Variants in GRID2 observed in about 807,000 individuals in gnomAD.
GRID2 encodes glutamate ionotropic receptor delta type subunit 2.
In GRID2, 33 loss-of-function variants were observed where a neutral mutation model predicts 114.8. The observed-to-expected ratio is 0.29, with a 90% CI of 0.22 to 0.38. The LOEUF is 0.38. Among genes scored for constraint, GRID2 ranks in the 10% least tolerant of loss-of-function variants. The pLI is 1.00. For synonymous variants in GRID2, 505 were observed against 449.9 expected, an observed-to-expected ratio of 1.12 and a Z score of -1.55; for missense variants, 1,184 against 1,257.7, an observed-to-expected ratio of 0.94 and a Z score of 0.89.
chr4:93,128,630 T>G (rs528761062), intron 4 of GRID2, among the ~76,000 whole-genome samples: 16 of 152,168 alleles, frequency 1.1e-4, no homozygotes, highest in Non-Finnish European at 1.8e-4. Context: ...ATTGCTAAAC[T>G]GTCCTAATCA....
intron 4 of GRID2, among the ~76,000 whole-genome samples, chr4:93,189,768 CCACACCACACACA>C (rs1740789946): frequency 2.7e-5 from 3 of 110,634 alleles, no homozygotes; most frequent in African/African-American, 1.0e-4. Context: ...CACCACCACA[CCACACCACACACA>C]CACACACACA....
At chr4:93,154,344 A>G (rs778686529) in intron 4 of GRID2, among the ~76,000 whole-genome samples, 10 of 151,908 alleles carry the variant, frequency 6.6e-5, no homozygotes, top group Non-Finnish European at 1.5e-4. Context: ...TTTTGTGATC[A>G]TAGTTCCTTG....
intron 2 of GRID2, among the ~76,000 whole-genome samples, chr4:92,794,459 A>T (rs1260302731): frequency 6.6e-6 from 1 of 151,786 alleles, no homozygotes; most frequent in Non-Finnish European, 1.5e-5. Flanking sequence ...CCAAAACAAG[A>T]TTCTCTTCCA....
At chr4:93,048,550 C>G (rs1266368345) in intron 2 of GRID2, among the ~76,000 whole-genome samples, 1 of 151,976 alleles carries the variant, frequency 6.6e-6, no homozygotes, top group Non-Finnish European at 1.5e-5. Context: ...GAATGAGGAA[C>G]TTTTCCCTTT....
chr4:93,321,167 C>T (rs928882421), intron 8 of GRID2, among the ~76,000 whole-genome samples: 3 of 151,964 alleles, frequency 2.0e-5, no homozygotes, highest in African/African-American at 4.8e-5. Flanking sequence ...TGAGAGCCAT[C>T]GTCACACGGA....
chr4:92,784,514 C>G (rs1739228538), intron 2 of GRID2, among the ~76,000 whole-genome samples: 1 of 151,330 alleles, frequency 6.6e-6, no homozygotes, highest in African/African-American at 2.4e-5. Flanking sequence ...TACTTTTACT[C>G]TTAAAGATTC....
intron 1 of GRID2, among the ~76,000 whole-genome samples, chr4:92,396,422 C>A (rs1730494661): frequency 6.6e-6 from 1 of 151,854 alleles, no homozygotes; most frequent in African/African-American, 2.4e-5. Flanking sequence ...CTGATATGTG[C>A]TTTTATATAC....
At chr4:93,174,830 C>T (rs1030599989) in intron 4 of GRID2, among the ~76,000 whole-genome samples, 1 of 152,144 alleles carries the variant, frequency 6.6e-6, no homozygotes, top group Non-Finnish European at 1.5e-5. Flanking sequence ...TCTGAGCTAA[C>T]ATACATGGCA....
chr4:92,723,208 A>C lies in GRID2; in HGVS notation c.244+132922A>C, dbSNP rs186602804. On this transcript the variant is annotated intron_variant, in intron 2 of 15. Coordinates refer to ENST00000282020, the MANE Select transcript of GRID2 (RefSeq NM_001510.4). The stretch of plus-strand genomic sequence containing the variant: ...ATTTTAGAAACATGGCCTTTGAACA[A>C]TCAGAGTATGACATGAGTATTGATT... Among the ~76,000 whole-genome samples, 63 of 152,268 alleles carry C rather than the reference A, an allele frequency of 4.1e-4. No homozygotes were observed. The East Asian group carries it at 0.012, about 28-fold the overall frequency.
intron 2 of GRID2, among the ~76,000 whole-genome samples, chr4:93,045,837 T>C (rs1223722587): frequency 1.3e-5 from 2 of 152,214 alleles, no homozygotes; most frequent in South Asian, 4.1e-4. Flanking sequence ...TCTGAAGAAA[T>C]GAAGATCATT....
intron 8 of GRID2, 67 bp downstream of exon 8, chr4:93,238,557 G>A (rs1224840296): frequency 1.4e-6 from 2 of 1,400,990 alleles, no homozygotes; most frequent in Non-Finnish European, 2.0e-6. Context: ...TGTTTTCCAT[G>A]CAGTATGATC....
chr4:93,781,850 A>G (rs1468110336), intron 1 of GRID2, among the ~76,000 whole-genome samples: 1 of 152,190 alleles, frequency 6.6e-6, no homozygotes, highest in Non-Finnish European at 1.5e-5. Flanking sequence ...TGAAACCCAC[A>G]GATCCAGAGG....
At chr4:93,253,846 T>C (rs1311587229) in intron 8 of GRID2, among the ~76,000 whole-genome samples, 1 of 152,150 alleles carries the variant, frequency 6.6e-6, no homozygotes, top group Non-Finnish European at 1.5e-5. Context: ...TCAATTATTA[T>C]GTTCATGACA....
chr4:93,424,891 A>G (rs189985491), intron 10 of GRID2, among the ~76,000 whole-genome samples: 10 of 152,162 alleles, frequency 6.6e-5, no homozygotes, highest in Non-Finnish European at 1.5e-4. Flanking sequence ...AGATTTGACA[A>G]TTTGTCTTGA....
intron 2 of GRID2, among the ~76,000 whole-genome samples, chr4:92,796,775 C>T (rs1235612244): frequency 6.6e-6 from 1 of 151,764 alleles, no homozygotes; most frequent in Non-Finnish European, 1.5e-5. Context: ...ATTATCAAAC[C>T]ATCCTTTGCT....
chr4:93,375,562 C>T (rs1445828932), intron 8 of GRID2, among the ~76,000 whole-genome samples: 1 of 147,586 alleles, frequency 6.8e-6, no homozygotes, highest in Non-Finnish European at 1.5e-5. Flanking sequence ...ATGTTTCCCT[C>T]TGCAGTTTCC....
At chr4:93,164,746 A>G in intron 4 of GRID2, 2 of 437,880 alleles carry the variant, frequency 4.6e-6, no homozygotes, top group Middle Eastern at 6.8e-4. Context: ...GTCGTTTTAG[A>G]AAAACACTTA....
intron 10 of GRID2, among the ~76,000 whole-genome samples, chr4:93,437,080 T>A (rs896754211): frequency 1.3e-5 from 2 of 152,130 alleles, no homozygotes; most frequent in African/African-American, 4.8e-5. Context: ...TTGACAACAC[T>A]GCAATTAACA....
chr4:92,679,928 AC>A (rs1023899655), intron 2 of GRID2, among the ~76,000 whole-genome samples: 4 of 151,672 alleles, frequency 2.6e-5, no homozygotes, highest in African/African-American at 9.7e-5. Flanking sequence ...AAAAAAAAAA[AC>A]ATATCAAAGA....
Sources: gnomAD v4.1 joint callset for allele counts (sites outside exome capture counted in the v4.1 genomes callset) on GRCh38, gnomAD v4.1.1 for gene constraint, MANE v1.5 for transcripts, NCBI Gene and HGNC (gene_info 2026-07-23, HGNC 2026-07-21) for gene names.